Variants in TENM2 observed in about 807,000 individuals in gnomAD.
The protein encoded by TENM2 is teneurin-2.
A neutral mutation model predicts 245.2 loss-of-function variants in TENM2; 52 were observed. The ratio of observed to expected loss-of-function variants is 0.21; its 90% CI spans 0.17 to 0.27. The LOEUF (loss-of-function observed/expected upper bound fraction) is 0.27, where lower values mean the gene tolerates loss of function less well. Ranked by LOEUF, TENM2 falls within the 10% of genes least tolerant of loss-of-function variation. The pLI, the probability that TENM2 is intolerant of heterozygous loss-of-function variation, is 1.00. For synonymous variants in TENM2, 1,363 were observed against 1,438.9 expected, an observed-to-expected ratio of 0.95 and a Z score of 1.19; for missense variants, 3,046 against 3,666.8, an observed-to-expected ratio of 0.83 and a Z score of 4.37.
the TENM2 span, among the ~76,000 whole-genome samples, chr5:167,058,318 A>G: frequency 6.6e-6 from 1 of 152,220 alleles, no homozygotes; most frequent in Non-Finnish European, 1.5e-5. Flanking sequence ...ATTGACTCAT[A>G]TATTCTATGC....
intron 2 of TENM2, among the ~76,000 whole-genome samples, chr5:167,612,013 G>C (rs184524004): frequency 1.1e-4 from 17 of 152,138 alleles, no homozygotes; most frequent in Admixed American, 1.0e-3. Context: ...TGACTCCTTT[G>C]ATCCGTATTT....
chr5:167,874,448 C>G (rs1320936875), intron 2 of TENM2, among the ~76,000 whole-genome samples: 1 of 152,134 alleles, frequency 6.6e-6, no homozygotes, highest in Non-Finnish European at 1.5e-5. Flanking sequence ...GCTGATGTCT[C>G]TACATCAGCA....
intron 2 of TENM2, among the ~76,000 whole-genome samples, chr5:167,599,874 C>T (rs1326156854): frequency 4.6e-5 from 7 of 151,820 alleles, no homozygotes; most frequent in East Asian, 1.9e-4. Flanking sequence ...TGGCTGGGCG[C>T]GGTGGCTCAC....
chr5:168,096,303 G>A (rs760846974), intron 8 of TENM2, among the ~76,000 whole-genome samples: 23 of 152,108 alleles, frequency 1.5e-4, no homozygotes, highest in Admixed American at 2.6e-4. Flanking sequence ...AGCACCTAAC[G>A]CTTTTTGAAT....
intron 2 of TENM2, among the ~76,000 whole-genome samples, chr5:167,692,344 C>T (rs1328056097): frequency 2.0e-5 from 3 of 152,218 alleles, no homozygotes; most frequent in African/African-American, 7.2e-5. Context: ...CTGTGCACTA[C>T]TGTCACCTGA....
intron 3 of TENM2, among the ~76,000 whole-genome samples, chr5:167,885,879 C>T (rs1422748336): frequency 6.6e-6 from 1 of 152,184 alleles, no homozygotes; most frequent in African/African-American, 2.4e-5. Context: ...AGACTGTTTT[C>T]ACCATGTTGG....
At chr5:167,306,367 C>G (rs1323346515) in intron 1 of TENM2, 1 of 152,156 alleles carries the variant, frequency 6.6e-6, no homozygotes, top group Non-Finnish European at 1.5e-5. Flanking sequence ...TTGAGACACA[C>G]AGTAAGTACT....
At chr5:167,222,671 A>C in the TENM2 span, among the ~76,000 whole-genome samples, 1 of 152,192 alleles carries the variant, frequency 6.6e-6, no homozygotes, top group Non-Finnish European at 1.5e-5. Flanking sequence ...GGAAACATGC[A>C]CAATAAATTT....
chr5:167,627,800 A>T (rs1028286733), intron 2 of TENM2, among the ~76,000 whole-genome samples: 12 of 151,926 alleles, frequency 7.9e-5, no homozygotes, highest in Non-Finnish European at 1.3e-4. Context: ...CCAGTCATCC[A>T]CCTGCCTCAG....
In TENM2 at chr5:167,954,183, T is replaced by TCA. The variant is rs369023821; in HGVS notation, c.947+1378_947+1379dup. 5.7e-3 allele frequency among the ~76,000 whole-genome samples: 855 copies of TCA among 149,080 alleles called. 1 individual carries two copies. The highest frequency in any genetic ancestry group is 7.8e-3 in the Non-Finnish European group (519 of 66,946). On this transcript the variant is annotated intron_variant, in intron 4 of 28. Coordinates refer to ENST00000518659, the Ensembl canonical transcript of TENM2. ...AACGTGTGTGCACACACACACTCACTCACACACACACACACACAAACAAAC... is the reference window on the plus strand; with the variant it reads ...AACGTGTGTGCACACACACACTCACTCACACACACACACACACACAAACAAAC...
Position 167,392,903 on chromosome 5 carries a change from C to T in TENM2, c.502+17430C>T, listed in dbSNP as rs374500602. Among the ~76,000 whole-genome samples the T allele has an allele frequency of 1.4e-4, 22 of 152,224 alleles. 1 individual carries two copies. Among genetic ancestry groups the T allele is most frequent in the African/African-American group, 3.9e-4 (16 of 41,530 alleles). On this transcript the variant is annotated intron_variant, in intron 2 of 28. Coordinates refer to ENST00000518659, the Ensembl canonical transcript of TENM2. ...CATTTTCCTCTCCATGCGGGTGGATCAGGAGGTCAGGAGTTCAAGACCAAC... is the reference window on the plus strand; with the variant it reads ...CATTTTCCTCTCCATGCGGGTGGATTAGGAGGTCAGGAGTTCAAGACCAAC...
intron 2 of TENM2, among the ~76,000 whole-genome samples, chr5:167,723,597 G>A (rs1244387940): frequency 2.6e-5 from 4 of 152,060 alleles, no homozygotes; most frequent in African/African-American, 9.7e-5. Context: ...CTCCTCTTCT[G>A]CCTACTTTCT....
chr5:167,881,338 T>C (rs1012701804), intron 3 of TENM2, among the ~76,000 whole-genome samples: 2 of 152,216 alleles, frequency 1.3e-5, no homozygotes, highest in African/African-American at 4.8e-5. Context: ...ATCCCACTTC[T>C]CCTAATGTTC....
intron 19 of TENM2, among the ~76,000 whole-genome samples, chr5:168,208,089 A>T (rs1205271257): frequency 6.6e-6 from 1 of 152,132 alleles, no homozygotes; most frequent in South Asian, 2.1e-4. Context: ...CACTAACATT[A>T]TAGGGGGAAT....
At chr5:167,874,510 T>C (rs1773253977) in intron 2 of TENM2, among the ~76,000 whole-genome samples, 1 of 152,192 alleles carries the variant, frequency 6.6e-6, no homozygotes, top group Non-Finnish European at 1.5e-5. Flanking sequence ...TACTTCTTAC[T>C]TGCATTGCAA....
At chr5:167,099,046 A>G in the TENM2 span, among the ~76,000 whole-genome samples, 1 of 152,212 alleles carries the variant, frequency 6.6e-6, no homozygotes, top group Non-Finnish European at 1.5e-5. Context: ...GCCACAAAAT[A>G]TGTAGTTTTT....
chr5:167,609,362 G>A (rs928925000), intron 2 of TENM2, among the ~76,000 whole-genome samples: 1 of 151,906 alleles, frequency 6.6e-6, no homozygotes, highest in African/African-American at 2.4e-5. Flanking sequence ...TTGTTTAAAT[G>A]TGGCCTGTGT....
chr5:167,702,557 T>TATATATATATATATATACATAC (rs1427750698), intron 2 of TENM2, among the ~76,000 whole-genome samples: 2 of 147,444 alleles, frequency 1.4e-5, no homozygotes, highest in African/African-American at 4.9e-5. Flanking sequence ...TGTGTGTATA[T>TATATATATATATATATACATAC]ATATATATAT....
At chr5:167,203,000 T>G in the TENM2 span, among the ~76,000 whole-genome samples, 1 of 152,190 alleles carries the variant, frequency 6.6e-6, no homozygotes, top group Non-Finnish European at 1.5e-5. Context: ...AGAGTGATGA[T>G]AGATAATTTG....
Sources: gnomAD v4.1 joint callset for allele counts (sites outside exome capture counted in the v4.1 genomes callset) on GRCh38, gnomAD v4.1.1 for gene constraint, MANE v1.5 for transcripts, NCBI Gene and HGNC (gene_info 2026-07-23, HGNC 2026-07-21) for gene names.